Variants in PTPRD observed in about 807,000 individuals in gnomAD.
The protein encoded by PTPRD is protein tyrosine phosphatase receptor type D, also known as receptor-type tyrosine-protein phosphatase delta.
PTPRD carries 34 observed loss-of-function variants against 214.5 expected under a neutral mutation model. That is an observed-to-expected ratio of 0.16 (90% CI 0.12 to 0.21). The LOEUF (loss-of-function observed/expected upper bound fraction) is 0.21. PTPRD is among the 10% of genes least tolerant of loss of function. The pLI is 1.00. For synonymous variants in PTPRD, 1,128 were observed against 845.7 expected (o/e 1.33, Z -5.79); for missense variants, 2,545 against 2,398.7 (o/e 1.06, Z -1.27).
chr9:8,729,081 C>T (rs2098625383), intron 12 of PTPRD, among the ~76,000 whole-genome samples: 1 of 152,182 alleles, frequency 6.6e-6, no homozygotes, highest in African/African-American at 2.4e-5. Context: ...CTTCAGCTTT[C>T]TGAAGAGGCA....
At chr9:8,438,491 C>T (rs1269919969) in intron 34 of PTPRD, among the ~76,000 whole-genome samples, 1 of 152,116 alleles carries the variant, frequency 6.6e-6, no homozygotes, top group Non-Finnish European at 1.5e-5. Flanking sequence ...AATGATAGAA[C>T]TGAAATAATT....
At chr9:9,420,879 G>C (rs1034305039) in intron 8 of PTPRD, among the ~76,000 whole-genome samples, 1 of 151,774 alleles carries the variant, frequency 6.6e-6, no homozygotes, top group South Asian at 2.1e-4. Context: ...CATAAATGCA[G>C]ATAATTTGTT....
At chr9:10,135,261 C>T (rs1206096313) in intron 3 of PTPRD, among the ~76,000 whole-genome samples, 1 of 152,006 alleles carries the variant, frequency 6.6e-6, no homozygotes, top group African/African-American at 2.4e-5. Context: ...AACTGGCATT[C>T]TTGAGAGAGT....
At chr9:9,441,383 A>G (rs981517142) in intron 8 of PTPRD, among the ~76,000 whole-genome samples, 11 of 152,174 alleles carry the variant, frequency 7.2e-5, no homozygotes, top group African/African-American at 2.4e-4. Context: ...GTAGAAATAA[A>G]CTGCTAGACA....
At chr9:10,278,706 A>G (rs745318624) in intron 3 of PTPRD, among the ~76,000 whole-genome samples, 10 of 152,146 alleles carry the variant, frequency 6.6e-5, no homozygotes, top group Admixed American at 3.9e-4. Context: ...TTTTATGCCA[A>G]TCCGTAAGTT....
chr9:9,668,944 AACT>A lies in PTPRD; in HGVS notation c.-287+65586_-287+65588del, dbSNP rs1406434750. Among the ~76,000 whole-genome samples, 136 of 152,258 alleles carry A rather than the reference AACT, an allele frequency of 8.9e-4. 1 individual carries two copies. The highest frequency in any genetic ancestry group is 9.6e-4 in the East Asian group (5 of 5,184). On this transcript the variant is annotated intron_variant, in intron 7 of 45. Coordinates refer to ENST00000381196, the MANE Select transcript of PTPRD (RefSeq NM_002839.4). ...GAAATTTTGATTCATATGTTTCTTT[AACT>A]CAGCTCTTGATTAGCTACTGTAGTG...
chr9:9,514,491 G>A (rs1478518589), intron 8 of PTPRD, among the ~76,000 whole-genome samples: 1 of 152,080 alleles, frequency 6.6e-6, no homozygotes, highest in Non-Finnish European at 1.5e-5. Flanking sequence ...GAAGTAGACA[G>A]AGAGGACTAA....
At chr9:8,636,993 G>A (rs746871798) in intron 12 of PTPRD, 149 bp from the exon 13 acceptor site, 1 of 775,640 alleles carries the variant, frequency 1.3e-6, no homozygotes, top group Non-Finnish European at 1.9e-6. Context: ...AATTAGAAAA[G>A]CATCTTTTAC....
At chr9:9,721,502 A>C (rs2097945247) in intron 7 of PTPRD, among the ~76,000 whole-genome samples, 1 of 152,104 alleles carries the variant, frequency 6.6e-6, no homozygotes, top group East Asian at 1.9e-4. Context: ...TATTTGACCT[A>C]TTTTCCACTA....
intron 2 of PTPRD, among the ~76,000 whole-genome samples, chr9:10,492,871 A>G (rs2040799038): frequency 6.6e-6 from 1 of 151,804 alleles, no homozygotes; most frequent in Non-Finnish European, 1.5e-5. Flanking sequence ...TCAGCCCTAA[A>G]TCTCGTTAAG....
At chr9:10,355,084 T>C (rs548132707) in intron 2 of PTPRD, among the ~76,000 whole-genome samples, 1 of 152,324 alleles carries the variant, frequency 6.6e-6, no homozygotes, top group South Asian at 2.1e-4. Context: ...ATTTCTACTT[T>C]GGCAAATTTT....
intron 7 of PTPRD, among the ~76,000 whole-genome samples, chr9:9,677,967 C>A (rs1445733583): frequency 6.6e-6 from 1 of 152,082 alleles, no homozygotes; most frequent in Non-Finnish European, 1.5e-5. Context: ...CTCCCATTCA[C>A]AATTGCTTCA....
intron 7 of PTPRD, among the ~76,000 whole-genome samples, chr9:9,641,258 T>C (rs773097108): frequency 1.3e-5 from 2 of 152,152 alleles, no homozygotes; most frequent in Admixed American, 6.5e-5. Flanking sequence ...AATGATAAAG[T>C]GGTGAACATG....
chr9:9,570,947 T>C (rs1470724305), intron 8 of PTPRD, among the ~76,000 whole-genome samples: 1 of 151,466 alleles, frequency 6.6e-6, no homozygotes, highest in Non-Finnish European at 1.5e-5. Flanking sequence ...TATGAAGAAC[T>C]GAAACACGTT....
intron 7 of PTPRD, among the ~76,000 whole-genome samples, chr9:9,648,241 G>A (rs900092516): frequency 2.6e-5 from 4 of 151,802 alleles, no homozygotes; most frequent in Admixed American, 1.3e-4. Context: ...ACACTAAAGT[G>A]TATATTTAGA....
At chr9:8,684,870 C>T (rs768703919) in intron 12 of PTPRD, among the ~76,000 whole-genome samples, 3 of 152,042 alleles carry the variant, frequency 2.0e-5, no homozygotes, top group Non-Finnish European at 4.4e-5. Context: ...TCTCTGTGGG[C>T]ATATGATTAA....
chr9:9,458,896 C>A (rs1057078901), intron 8 of PTPRD, among the ~76,000 whole-genome samples: 3 of 151,986 alleles, frequency 2.0e-5, no homozygotes, highest in Non-Finnish European at 4.4e-5. Flanking sequence ...TGTAAGATTG[C>A]ACCACCGCAA....
Position 9,450,756 on chromosome 9 carries a change from G to T in PTPRD, c.-236-53274C>A, listed in dbSNP as rs938943395. On this transcript the variant is annotated intron_variant, in intron 8 of 45. Coordinates refer to ENST00000381196, the MANE Select transcript of PTPRD (RefSeq NM_002839.4). Reference sequence around the variant, plus strand: ...ATTAATTGTACATATTATGGGGGGGGGTGTGTGTGTCCCTGTAAAATTATC... The same window carrying T: ...ATTAATTGTACATATTATGGGGGGGTGTGTGTGTGTCCCTGTAAAATTATC... 1.1e-4 allele frequency among the ~76,000 whole-genome samples: 15 copies of T among 137,970 alleles called. 1 individual carries two copies. The East Asian group carries it at 1.4e-3, about 13-fold the overall frequency. 90.5% of individuals were successfully genotyped at this position (137,970 alleles called of 152,430 possible).
Position 10,283,640 on chromosome 9 carries a change from G to A in PTPRD, c.-545+57323C>T, listed in dbSNP as rs994489698. Among the ~76,000 whole-genome samples the A allele has an allele frequency of 4.6e-5, 7 of 152,178 alleles. No homozygotes were observed. In the East Asian group the frequency reaches 1.4e-3, roughly 29 times the overall value. ...TCTATTCATCAGTAAACAGAGATCA[G>A]GTCTCCATTGATATAGGTGAAATTC... On this transcript the variant is annotated intron_variant, in intron 3 of 45. Transcript: ENST00000381196.
Sources: allele counts gnomAD v4.1 joint callset (sites outside exome capture counted in the v4.1 genomes callset), GRCh38; gene constraint gnomAD v4.1.1; transcripts MANE v1.5; gene names NCBI Gene and HGNC (gene_info 2026-07-23, HGNC 2026-07-21).